PDS5B: variants seen among roughly 807,000 people sequenced by gnomAD.
PDS5B encodes the protein sister chromatid cohesion protein PDS5 homolog B.
Under a neutral mutation model 184.1 loss-of-function variants are expected in PDS5B, and 51 were observed. That is an observed-to-expected ratio of 0.28 (90% confidence interval 0.22 to 0.35). PDS5B has a LOEUF of 0.35. PDS5B is among the 10% of genes least tolerant of loss of function. The probability of loss-of-function intolerance (pLI) is 1.00; values close to 1 mark genes in which losing one functional copy is unlikely to be tolerated. For missense variants in PDS5B, 1,180 were observed against 1,723.3 expected, an observed-to-expected ratio of 0.68 and a Z score of 5.58; for synonymous variants, 566 against 569.2, an observed-to-expected ratio of 0.99 and a Z score of 0.08.
intron 10 of PDS5B, among the ~76,000 whole-genome samples, chr13:32,681,997 A>G (rs1035453438): frequency 1.3e-5 from 2 of 152,224 alleles, no homozygotes; most frequent in African/African-American, 4.8e-5. Context: ...AAATGTTTGG[A>G]TATGACATAC....
intron 1 of PDS5B, among the ~76,000 whole-genome samples, chr13:32,634,430 GTTAA>G (rs1399321391): frequency 2.6e-5 from 4 of 151,860 alleles, no homozygotes; most frequent in Admixed American, 6.6e-5. Flanking sequence ...CCATTCACCA[GTTAA>G]TAGACATTTG....
At chr13:32,758,499 T>A (rs767883931) in intron 27 of PDS5B, 35 bp from the exon 28 acceptor site, 4 of 1,590,224 alleles carry the variant, frequency 2.5e-6, no homozygotes, top group Non-Finnish European at 3.4e-6. Context: ...ATTGCCAGCT[T>A]AAGTATCTGT....
At chr13:32,591,018 C>T (rs1018346714) in intron 1 of PDS5B, among the ~76,000 whole-genome samples, 2 of 151,364 alleles carry the variant, frequency 1.3e-5, no homozygotes, top group Admixed American at 1.3e-4. Flanking sequence ...TTCCTCCCCC[C>T]ACAGGTAATC....
At chr13:32,689,059 A>G (rs1256054531) in intron 13 of PDS5B, 2 of 158,674 alleles carry the variant, frequency 1.3e-5, no homozygotes, top group African/African-American at 2.4e-5. Context: ...CATGTCATTC[A>G]GAAAGTACTT....
intron 1 of PDS5B, among the ~76,000 whole-genome samples, chr13:32,612,256 C>T (rs779184125): frequency 2.6e-5 from 4 of 152,058 alleles, no homozygotes; most frequent in East Asian, 1.9e-4. Flanking sequence ...TTAGTAGAGA[C>T]GGGATTTCAC....
chr13:32,769,720 C>T (rs1954713507), intron 31 of PDS5B, among the ~76,000 whole-genome samples: 1 of 152,094 alleles, frequency 6.6e-6, no homozygotes. Context: ...ATGTCTTACG[C>T]ACTATGTGGT....
chr13:32,680,000 C>T (rs1459533922), intron 10 of PDS5B, among the ~76,000 whole-genome samples: 1 of 151,874 alleles, frequency 6.6e-6, no homozygotes, highest in Non-Finnish European at 1.5e-5. Flanking sequence ...GTTGCTAATA[C>T]AGTATTTTCT....
In PDS5B at chr13:32,753,207, T is replaced by C. The variant is rs1954049315; in HGVS notation, c.2737-125T>C. 5 of 679,292 alleles carry C rather than the reference T, an allele frequency of 7.4e-6. No individual in the cohort carries two copies. In the East Asian group the frequency reaches 1.3e-4, roughly 18 times the overall value. The allele number at this position is 679,292 out of a possible 1,614,324, so 42.1% of individuals were successfully genotyped here. On this transcript the variant is annotated intron_variant, in intron 24 of 34. Transcript: ENST00000315596. ...CACAACATCTCACTCTTGTGAGCAG[T>C]GAAGCAATTATTGTAGATAAACTTG...
intron 19 of PDS5B, among the ~76,000 whole-genome samples, chr13:32,719,316 G>A (rs1453286400): frequency 6.6e-6 from 1 of 152,058 alleles, no homozygotes; most frequent in African/African-American, 2.4e-5. Flanking sequence ...CCAAGTTGTT[G>A]TGTCTACAGG....
intron 18 of PDS5B, among the ~76,000 whole-genome samples, chr13:32,707,444 A>C (rs1015854834): frequency 6.6e-6 from 1 of 152,050 alleles, no homozygotes; most frequent in African/African-American, 2.4e-5. Flanking sequence ...TATAAAAAAC[A>C]TAGGTTGATC....
At chr13:32,754,000 C>T (rs1954079970) in intron 25 of PDS5B, among the ~76,000 whole-genome samples, 1 of 152,156 alleles carries the variant, frequency 6.6e-6, no homozygotes, top group Admixed American at 6.6e-5. Flanking sequence ...TAACAAACAG[C>T]ATTAAAATCC....
chr13:32,598,958 G>C (rs1490011560), intron 1 of PDS5B, among the ~76,000 whole-genome samples: 1 of 151,948 alleles, frequency 6.6e-6, no homozygotes, highest in African/African-American at 2.4e-5. Context: ...TTTTAGTAGA[G>C]ACGGGGTTTC....
chr13:32,611,308 C>G (rs1427555007), intron 1 of PDS5B, among the ~76,000 whole-genome samples: 1 of 151,770 alleles, frequency 6.6e-6, no homozygotes, highest in Admixed American at 6.6e-5. Flanking sequence ...TTTTATTATC[C>G]CAAACCCTTC....
intron 7 of PDS5B, among the ~76,000 whole-genome samples, chr13:32,672,424 G>A (rs1950961584): frequency 1.3e-5 from 2 of 152,074 alleles, no homozygotes; most frequent in Admixed American, 6.6e-5. Context: ...TTCACACATA[G>A]TGTATGTATA....
At chr13:32,603,280 A>G (rs2058007061) in intron 1 of PDS5B, among the ~76,000 whole-genome samples, 1 of 152,224 alleles carries the variant, frequency 6.6e-6, no homozygotes, top group South Asian at 2.1e-4. Context: ...TGTAAGGTGT[A>G]AGGAAGGGAT....
chr13:32,632,346 T>A (rs1430043655), intron 1 of PDS5B, among the ~76,000 whole-genome samples: 1 of 152,110 alleles, frequency 6.6e-6, no homozygotes, highest in Non-Finnish European at 1.5e-5. Flanking sequence ...AATTTAAAAG[T>A]GAGCAATGAT....
At chr13:32,700,593 A>AT (rs1482095358) in intron 16 of PDS5B, among the ~76,000 whole-genome samples, 1 of 152,180 alleles carries the variant, frequency 6.6e-6, no homozygotes, top group Admixed American at 6.5e-5. Flanking sequence ...ATAGAATGGT[A>AT]TTTATCTTAC....
intron 1 of PDS5B, among the ~76,000 whole-genome samples, chr13:32,588,471 T>C (rs567248678): frequency 6.6e-6 from 1 of 152,358 alleles, no homozygotes; most frequent in South Asian, 2.1e-4. Context: ...TTCTGATGGT[T>C]TTAAAAATTG....
chr13:32,621,379 A>G (rs2058299156), intron 1 of PDS5B, among the ~76,000 whole-genome samples: 1 of 152,146 alleles, frequency 6.6e-6, no homozygotes, highest in African/African-American at 2.4e-5. Flanking sequence ...AGGTGGGATG[A>G]TTGCTTGAGC....
Sources: gnomAD v4.1 joint callset for allele counts (sites outside exome capture counted in the v4.1 genomes callset) on GRCh38, gnomAD v4.1.1 for gene constraint, MANE v1.5 for transcripts, NCBI Gene and HGNC (gene_info 2026-07-23, HGNC 2026-07-21) for gene names.